The following GNG12 variants were observed in gnomAD, a reference collection of about 807,000 sequenced individuals.
The protein encoded by GNG12 is guanine nucleotide-binding protein G(I)/G(S)/G(O) subunit gamma-12.
For synonymous variants in GNG12, 28 were observed against 29.7 expected (o/e 0.94, Z 0.19); for missense variants, 69 against 83.8 (o/e 0.82, Z 0.69).
At chr1:67,784,635 C>T (rs988952371) in intron 1 of GNG12, among the ~76,000 whole-genome samples, 1 of 151,830 alleles carries the variant, frequency 6.6e-6, no homozygotes, top group Non-Finnish European at 1.5e-5. Flanking sequence ...TTTGGTTATT[C>T]GTATACTATG....
chr1:67,703,583 T>G lies in GNG12; in HGVS notation c.*1868A>C, dbSNP rs1646227572. 6.6e-6 allele frequency: 1 copy of G among 152,200 alleles called. No individual in the cohort carries two copies. Among genetic ancestry groups the G allele is most frequent in the Non-Finnish European group, 1.5e-5 (1 of 68,034 alleles). The allele number at this position is 152,200 out of a possible 1,614,324, so 9.4% of individuals were successfully genotyped here. On this transcript the variant is annotated 3_prime_UTR_variant, in exon 4 of 4. Coordinates refer to ENST00000370982, the MANE Select transcript of GNG12 (RefSeq NM_018841.6). ...AGTGTAAATTTCAAATCTCACCCTT[T>G]GAGAGGTAAAATCTTCCTCTCTCCT...
intron 1 of GNG12, among the ~76,000 whole-genome samples, chr1:67,801,049 G>A (rs1646861674): frequency 6.6e-6 from 1 of 152,110 alleles, no homozygotes; most frequent in Non-Finnish European, 1.5e-5. Flanking sequence ...GAGGTTAGGA[G>A]GAGCACAAGA....
At chr1:67,800,169 T>C (rs1047195536) in intron 1 of GNG12, among the ~76,000 whole-genome samples, 2 of 152,196 alleles carry the variant, frequency 1.3e-5, no homozygotes, top group African/African-American at 2.4e-5. Context: ...ACATCACACA[T>C]TGTTCACTGA....
Position 67,706,948 on chromosome 1 carries a change from C to CCGCG in GNG12, c.93+642_93+645dup, listed in dbSNP as rs757088497. On this transcript the variant is annotated intron_variant, in intron 3 of 3. Transcript: ENST00000370982. Reference sequence around the variant, plus strand: ...GTGCTGGGATTACAGGCGTGAGCCACCGCGCCTGGCCAACTGCTTCAGTTT... The same window carrying CCGCG: ...GTGCTGGGATTACAGGCGTGAGCCACCGCGCGCGCCTGGCCAACTGCTTCAGTTT... Among the ~76,000 whole-genome samples, 5 of 152,344 alleles carry CCGCG rather than the reference C, an allele frequency of 3.3e-5. No individual in the cohort carries two copies. The East Asian group carries it at 9.7e-4, about 29-fold the overall frequency.
chr1:67,739,146 T>G (rs901758920), intron 2 of GNG12, among the ~76,000 whole-genome samples: 1 of 152,144 alleles, frequency 6.6e-6, no homozygotes, highest in South Asian at 2.1e-4. Context: ...ACCATTGCAC[T>G]CTAGGCTGGG....
intron 2 of GNG12, among the ~76,000 whole-genome samples, chr1:67,731,670 C>T (rs1646421021): frequency 6.6e-6 from 1 of 152,134 alleles, no homozygotes; most frequent in Admixed American, 6.5e-5. Context: ...AGCTTTCAGG[C>T]TCTGGATTTT....
At chr1:67,778,111 AC>A (rs1002153964) in intron 1 of GNG12, among the ~76,000 whole-genome samples, 20 of 149,116 alleles carry the variant, frequency 1.3e-4, no homozygotes, top group African/African-American at 4.1e-4. Flanking sequence ...ATTAATTATA[AC>A]TATACATAAT....
chr1:67,718,730 AC>A (rs1308106969), intron 2 of GNG12, among the ~76,000 whole-genome samples: 1 of 151,906 alleles, frequency 6.6e-6, no homozygotes, highest in Non-Finnish European at 1.5e-5. Flanking sequence ...AATCTGATCT[AC>A]CCTGACCACT....
intron 1 of GNG12, among the ~76,000 whole-genome samples, chr1:67,807,375 C>A: frequency 6.7e-6 from 1 of 149,282 alleles, no homozygotes; most frequent in Admixed American, 6.7e-5. Context: ...CCTTAAGAAA[C>A]TAGAAAAAAT....
At chr1:67,721,206 A>G (rs74882444) in intron 2 of GNG12, among the ~76,000 whole-genome samples, 2 of 152,308 alleles carry the variant, frequency 1.3e-5, no homozygotes, top group African/African-American at 2.4e-5. Flanking sequence ...AAGTGAGAGA[A>G]TATTTCCAAA....
At chr1:67,772,997 A>T (rs1354651289) in intron 2 of GNG12, among the ~76,000 whole-genome samples, 3 of 152,358 alleles carry the variant, frequency 2.0e-5, no homozygotes, top group South Asian at 4.1e-4. Context: ...TAATGGCCTG[A>T]TGATATCTTT....
intron 1 of GNG12, among the ~76,000 whole-genome samples, chr1:67,784,009 AT>A (rs1646752741): frequency 6.6e-6 from 1 of 151,338 alleles, no homozygotes; most frequent in Non-Finnish European, 1.5e-5. Flanking sequence ...ATAAAGACAC[AT>A]GTGCATGTAT....
At chr1:67,802,801 G>A (rs1646874220) in intron 1 of GNG12, among the ~76,000 whole-genome samples, 1 of 152,030 alleles carries the variant, frequency 6.6e-6, no homozygotes. Flanking sequence ...CTCCCTGGTT[G>A]GTTTCCTGCT....
intron 2 of GNG12, among the ~76,000 whole-genome samples, chr1:67,723,118 A>C (rs1198609193): frequency 2.0e-5 from 3 of 152,202 alleles, no homozygotes; most frequent in Admixed American, 2.0e-4. Context: ...CAATGCAAAA[A>C]ATTTTTTAAA....
At position 67,702,270 on chromosome 1, in the gene GNG12, T is replaced by C. The variant is rs1646219975; in HGVS notation, c.*3181A>G. ...GTATTGTATTTATTTCACTGAGAAATGACTGGCATGTACTACGATCATTTT... is the reference window on the plus strand; with the variant it reads ...GTATTGTATTTATTTCACTGAGAAACGACTGGCATGTACTACGATCATTTT... On this transcript the variant is annotated 3_prime_UTR_variant, in exon 4 of 4. Transcript: ENST00000370982. The C allele has an allele frequency of 6.6e-6, 1 of 152,234 alleles. No individual in the cohort carries two copies. 9.4% of individuals were successfully genotyped at this position (152,234 alleles called of 1,614,324 possible).
intron 1 of GNG12, among the ~76,000 whole-genome samples, chr1:67,808,812 G>A (rs1457451395): frequency 2.0e-5 from 3 of 152,118 alleles, no homozygotes. Context: ...CTAAATGAAA[G>A]AGAGTCCATG....
chr1:67,763,609 T>C (rs1025987606), intron 2 of GNG12, among the ~76,000 whole-genome samples: 7 of 151,988 alleles, frequency 4.6e-5, no homozygotes, highest in African/African-American at 1.5e-4. Flanking sequence ...CACATAGCTC[T>C]ACAGCCTCAA....
chr1:67,749,557 G>A (rs1646526616), intron 2 of GNG12, among the ~76,000 whole-genome samples: 1 of 152,296 alleles, frequency 6.6e-6, no homozygotes, highest in South Asian at 2.1e-4. Context: ...GTACCAGGAG[G>A]AAGGGTCTGG....
chr1:67,790,975 C>T (rs867175879), intron 1 of GNG12, among the ~76,000 whole-genome samples: 3 of 152,140 alleles, frequency 2.0e-5, no homozygotes, highest in East Asian at 1.9e-4. Context: ...TTACTTGAAG[C>T]GCCCTAGATT....
Sources: gnomAD v4.1 joint callset for allele counts (sites outside exome capture counted in the v4.1 genomes callset) on GRCh38, gnomAD v4.1.1 for gene constraint, MANE v1.5 for transcripts, NCBI Gene and HGNC (gene_info 2026-07-23, HGNC 2026-07-21) for gene names.